The following FAM118B variants were observed in gnomAD, a reference collection of about 807,000 sequenced individuals.
The protein encoded by FAM118B is SIR2 antiphage like 1.
In FAM118B, 24 loss-of-function variants were observed where a neutral mutation model predicts 38.5. The ratio of observed to expected loss-of-function variants is 0.62; its 90% CI spans 0.45 to 0.88. FAM118B has a LOEUF of 0.88. Ranked by LOEUF, FAM118B falls within the 40% of genes least tolerant of loss-of-function variation. FAM118B has a pLI of 0.00. For missense variants in FAM118B, 334 were observed against 420.0 expected (o/e 0.80, Z 1.79); for synonymous variants, 138 against 156.3 (o/e 0.88, Z 0.87).
intron 4 of FAM118B, among the ~76,000 whole-genome samples, chr11:126,247,209 T>C (rs969890422): frequency 6.6e-6 from 1 of 152,150 alleles, no homozygotes; most frequent in African/African-American, 2.4e-5. Context: ...GGAAGATTGC[T>C]TGAGCCCAGC....
downstream of FAM118B, chr11:126,262,979 C>T (rs1440183987): frequency 3.9e-5 from 6 of 152,648 alleles, no homozygotes; most frequent in Non-Finnish European, 5.9e-5. Context: ...TTACTTATTT[C>T]TCTGGGCAGA....
Position 126,244,137 on chromosome 11 carries a change from A to G in FAM118B, c.339+3093A>G, listed in dbSNP as rs1040402333. The stretch of plus-strand genomic sequence containing the variant: ...CGTATATGAAAAACTCACAGTTAAC[A>G]TATTTAATGGTGAAAGACTGGATTT... On this transcript the variant is annotated intron_variant, in intron 4 of 8. Coordinates refer to ENST00000533050, the MANE Select transcript of FAM118B (RefSeq NM_024556.4). The surrounding 1 kb of genome is among the most constrained non-coding windows in gnomAD (Gnocchi z 4.5). 6.6e-6 allele frequency among the ~76,000 whole-genome samples: 1 copy of G among 152,218 alleles called. No homozygotes were observed. The highest frequency in any genetic ancestry group is 1.5e-5 in the Non-Finnish European group (1 of 68,034).
At chr11:126,261,950 CAA>C (rs1950710014) in intron 8 of FAM118B, among the ~76,000 whole-genome samples, 168 bp from the exon 9 acceptor site, 1 of 152,186 alleles carries the variant, frequency 6.6e-6, no homozygotes, top group African/African-American at 2.4e-5. Flanking sequence ...GCCTGGGTGA[CAA>C]AGACCTTGTC....
intron 3 of FAM118B, among the ~76,000 whole-genome samples, chr11:126,236,485 G>A (rs902379612): frequency 1.3e-5 from 2 of 151,694 alleles, no homozygotes; most frequent in Admixed American, 6.6e-5. Flanking sequence ...TTTCATTTTT[G>A]TTGTTGTTGT....
At chr11:126,219,946 G>A (rs1035518431) in intron 1 of FAM118B, among the ~76,000 whole-genome samples, 12 of 151,846 alleles carry the variant, frequency 7.9e-5, no homozygotes, top group African/African-American at 2.7e-4. Flanking sequence ...TTTTTAAAGG[G>A]GGGGCTTATA....
intron 5 of FAM118B, among the ~76,000 whole-genome samples, chr11:126,251,795 G>A (rs1056172607): frequency 8.4e-5 from 12 of 142,174 alleles, no homozygotes; most frequent in Admixed American, 8.2e-4. Flanking sequence ...TGATTCTCCT[G>A]CCTCACCCTC....
At chr11:126,218,238 G>A (rs753634388) in intron 1 of FAM118B, among the ~76,000 whole-genome samples, 11 of 152,174 alleles carry the variant, frequency 7.2e-5, no homozygotes, top group Non-Finnish European at 1.5e-4. Context: ...CTCTGCACAG[G>A]CTCCACTTCC....
At chr11:126,259,167 C>T (rs1950629891) in intron 7 of FAM118B, among the ~76,000 whole-genome samples, 1 of 152,182 alleles carries the variant, frequency 6.6e-6, no homozygotes, top group Non-Finnish European at 1.5e-5. Context: ...TTATCTTTCA[C>T]CCTTGCATAA....
chr11:126,244,853 A>G lies in FAM118B; in HGVS notation c.339+3809A>G. Among the ~76,000 whole-genome samples the G allele has an allele frequency of 6.6e-6, 1 of 152,000 alleles. No homozygotes were observed. The highest frequency in any genetic ancestry group is 1.9e-4 in the East Asian group (1 of 5,186). ...ACTTATGCTTTGAAAACTACAAAACACTGAAAGAAATGAAAGAAGATCTAA... is the reference window on the plus strand; with the variant it reads ...ACTTATGCTTTGAAAACTACAAAACGCTGAAAGAAATGAAAGAAGATCTAA... On this transcript the variant is annotated intron_variant, in intron 4 of 8. Coordinates refer to ENST00000533050, the MANE Select transcript of FAM118B (RefSeq NM_024556.4). The surrounding 1 kb of genome is among the most constrained non-coding windows in gnomAD (Gnocchi z 4.5).
At chr11:126,228,299 A>G (rs1371100588) in intron 1 of FAM118B, among the ~76,000 whole-genome samples, 1 of 151,418 alleles carries the variant, frequency 6.6e-6, no homozygotes, top group African/African-American at 2.4e-5. Context: ...CCTGGGTTCA[A>G]GCAGTTCTGC....
At chr11:126,232,048 T>C (rs1381721832) in intron 2 of FAM118B, among the ~76,000 whole-genome samples, 1 of 152,224 alleles carries the variant, frequency 6.6e-6, no homozygotes, top group Non-Finnish European at 1.5e-5. Context: ...TTTTGGACTT[T>C]AAGTTTTTTT....
intron 1 of FAM118B, among the ~76,000 whole-genome samples, chr11:126,224,541 A>G: frequency 6.6e-6 from 1 of 150,444 alleles, no homozygotes; most frequent in Non-Finnish European, 1.5e-5. Flanking sequence ...GGTATGTTAG[A>G]GGGTGCTGTG....
intron 1 of FAM118B, among the ~76,000 whole-genome samples, chr11:126,224,137 C>T (rs1249004876): frequency 6.6e-6 from 1 of 152,106 alleles, no homozygotes; most frequent in Non-Finnish European, 1.5e-5. Flanking sequence ...GGACCCCTGT[C>T]TTTGGGGGAC....
intron 4 of FAM118B, among the ~76,000 whole-genome samples, chr11:126,248,559 A>G (rs1217706719): frequency 6.6e-6 from 1 of 151,540 alleles, no homozygotes; most frequent in African/African-American, 2.4e-5. Flanking sequence ...TAGTAGAGAG[A>G]TGGGGTTTCA....
In FAM118B at chr11:126,262,186, GAC is replaced by G; in HGVS notation, c.*55_*56del. The stretch of plus-strand genomic sequence containing the variant: ...GACCAAGCTGTAAGGCCCTACTACA[GAC>G]AGTGTTTAACAAGTAAACTTACAAG... On this transcript the variant is annotated 3_prime_UTR_variant, in exon 9 of 9. Coordinates refer to ENST00000533050, the MANE Select transcript of FAM118B (RefSeq NM_024556.4). The G allele has an allele frequency of 7.5e-6, 12 of 1,593,962 alleles. No homozygotes were observed. The highest frequency in any genetic ancestry group is 9.5e-6 in the Non-Finnish European group (11 of 1,162,240).
At chr11:126,238,567 A>G (rs1035583302) in intron 3 of FAM118B, among the ~76,000 whole-genome samples, 4 of 152,162 alleles carry the variant, frequency 2.6e-5, no homozygotes, top group Non-Finnish European at 5.9e-5. Flanking sequence ...GTTGGGGGAA[A>G]TCTTGTATTT....
chr11:126,235,203 C>T (rs568776881), intron 3 of FAM118B, 116 bp downstream of exon 3: 4 of 790,562 alleles, frequency 5.1e-6, no homozygotes, highest in African/African-American at 1.7e-5. Flanking sequence ...GACCTTCATA[C>T]TCAAAATTAA....
At chr11:126,240,592 A>G (rs915326848) in intron 3 of FAM118B, among the ~76,000 whole-genome samples, 200 bp from the exon 4 acceptor site, 14 of 152,140 alleles carry the variant, frequency 9.2e-5, no homozygotes, top group Non-Finnish European at 1.9e-4. Context: ...AAATAGGTTT[A>G]TGACTTGTTT....
At chr11:126,221,698 A>G (rs752862610) in intron 1 of FAM118B, among the ~76,000 whole-genome samples, 8 of 151,884 alleles carry the variant, frequency 5.3e-5, no homozygotes, top group Non-Finnish European at 8.8e-5. Flanking sequence ...GGAAGGGAGT[A>G]TGTAAAGGGA....
Sources: allele counts gnomAD v4.1 joint callset (sites outside exome capture counted in the v4.1 genomes callset), GRCh38; gene constraint gnomAD v4.1.1; non-coding constraint Gnocchi (gnomAD v3.1); transcripts MANE v1.5; gene names NCBI Gene and HGNC (gene_info 2026-07-23, HGNC 2026-07-21).